The following CHRM3 variants were observed in gnomAD, a reference collection of about 807,000 sequenced individuals.
The protein encoded by CHRM3 is cholinergic receptor muscarinic 3, also known as muscarinic acetylcholine receptor M3.
In CHRM3, 11 loss-of-function variants were observed where a neutral mutation model predicts 41.8. The observed-to-expected ratio is 0.26, with a 90% CI of 0.17 to 0.44. The LOEUF (loss-of-function observed/expected upper bound fraction) is 0.44. Among genes scored for constraint, CHRM3 ranks in the 20% least tolerant of loss-of-function variants. CHRM3 has a pLI of 1.00. For synonymous variants in CHRM3, 297 were observed against 301.4 expected, an observed-to-expected ratio of 0.99 and a Z score of 0.15; for missense variants, 571 against 745.4, an observed-to-expected ratio of 0.77 and a Z score of 2.72.
intron 1 of CHRM3, among the ~76,000 whole-genome samples, chr1:239,432,775 C>T (rs1428226004): frequency 6.6e-6 from 1 of 152,126 alleles, no homozygotes; most frequent in Non-Finnish European, 1.5e-5. Context: ...CAAATCCAGT[C>T]AAATCCATTT....
intron 1 of CHRM3, among the ~76,000 whole-genome samples, chr1:239,404,390 AAGAAAGAAAGAAAGAAAGAAAAAGAAAG>A (rs1558195320): frequency 8.5e-4 from 70 of 82,758 alleles, no homozygotes; most frequent in Middle Eastern, 5.2e-3. Flanking sequence ...GAAAGAAAGA[AAGAAAGAAAGAAAGAAAGAAAAAGAAAG>A]AAAGAAAGAA....
intron 5 of CHRM3, among the ~76,000 whole-genome samples, chr1:239,742,886 T>C (rs979472458): frequency 2.6e-5 from 4 of 152,222 alleles, no homozygotes; most frequent in African/African-American, 4.8e-5. Context: ...ATTTCTGTTT[T>C]CCATTTTACT....
At chr1:239,898,665 A>C in intron 6 of CHRM3, among the ~76,000 whole-genome samples, 1 of 152,230 alleles carries the variant, frequency 6.6e-6, no homozygotes, top group African/African-American at 2.4e-5. Context: ...AGCAGGTTTA[A>C]AAATCGAGAG....
intron 6 of CHRM3, among the ~76,000 whole-genome samples, chr1:239,865,552 A>G (rs1020946786): frequency 6.6e-6 from 1 of 152,194 alleles, no homozygotes; most frequent in African/African-American, 2.4e-5. Flanking sequence ...TGTCAGAAGC[A>G]GAGAGGGACA....
rs144048240 is a variant in CHRM3 at position 239,635,786 on chromosome 1, A to C, written c.-250+3500A>C. On this transcript the variant is annotated intron_variant, in intron 4 of 6. Coordinates refer to ENST00000676153, the MANE Select transcript of CHRM3 (RefSeq NM_001375978.1). ...GCCTTGTCTGTTTCCTTCACTGCCA[A>C]AACCACCATACTTATAATGATGCCT... is the stretch of plus-strand genomic sequence containing the variant. Among the ~76,000 whole-genome samples, 882 of 152,294 alleles carry C rather than the reference A, an allele frequency of 5.8e-3. 12 individuals carry two copies. Among genetic ancestry groups the C allele is most frequent in the African/African-American group, 0.02 (831 of 41,564 alleles).
At chr1:239,599,994 A>G (rs1000350169) in intron 3 of CHRM3, among the ~76,000 whole-genome samples, 21 of 152,156 alleles carry the variant, frequency 1.4e-4, no homozygotes, top group Admixed American at 2.0e-4. Context: ...ATGCACATGT[A>G]AGAACTGATT....
At chr1:239,611,627 G>A (rs1299740588) in intron 3 of CHRM3, among the ~76,000 whole-genome samples, 2 of 152,004 alleles carry the variant, frequency 1.3e-5, no homozygotes, top group Non-Finnish European at 2.9e-5. Context: ...CACCATGTTG[G>A]CCAGGATGGT....
At chr1:239,442,925 A>G (rs1244762526) in intron 1 of CHRM3, among the ~76,000 whole-genome samples, 4 of 152,212 alleles carry the variant, frequency 2.6e-5, no homozygotes. Flanking sequence ...GGTAGAAGGA[A>G]CAATGACTGT....
chr1:239,606,848 A>T (rs1350914469), intron 3 of CHRM3, among the ~76,000 whole-genome samples: 1 of 152,098 alleles, frequency 6.6e-6, no homozygotes, highest in Non-Finnish European at 1.5e-5. Flanking sequence ...TCTTCTGTGC[A>T]CCCAAAATTC....
intron 5 of CHRM3, among the ~76,000 whole-genome samples, chr1:239,715,925 C>T (rs79451787): frequency 0.05 from 7,646 of 152,116 alleles, 218 homozygotes; most frequent in East Asian, 0.074. Flanking sequence ...GAAATTTGGA[C>T]AGTGTTGAAG....
chr1:239,404,448 AAGAAAG>A (rs1660385900), intron 1 of CHRM3, among the ~76,000 whole-genome samples: 1 of 140,056 alleles, frequency 7.1e-6, no homozygotes, highest in South Asian at 2.3e-4. Flanking sequence ...GAAAGAAAGA[AAGAAAG>A]AAAGAAAGAA....
intron 1 of CHRM3, among the ~76,000 whole-genome samples, chr1:239,408,440 C>T (rs1383910778): frequency 6.8e-6 from 1 of 146,710 alleles, no homozygotes; most frequent in Admixed American, 7.1e-5. Context: ...AGGAGAATAG[C>T]GTGAACCCGG....
intron 2 of CHRM3, among the ~76,000 whole-genome samples, chr1:239,533,999 GCTT>G (rs1464718641): frequency 6.6e-6 from 1 of 152,070 alleles, no homozygotes; most frequent in Non-Finnish European, 1.5e-5. Flanking sequence ...GAGGCTCTCT[GCTT>G]CTTTTCTTCA....
intron 1 of CHRM3, among the ~76,000 whole-genome samples, chr1:239,458,642 A>G (rs773168012): frequency 7.2e-5 from 11 of 152,238 alleles, no homozygotes; most frequent in Non-Finnish European, 1.3e-4. Context: ...ATCAGTGTAC[A>G]AGCTTTATAA....
chr1:239,448,591 A>G (rs957649803), intron 1 of CHRM3, among the ~76,000 whole-genome samples: 3 of 152,168 alleles, frequency 2.0e-5, no homozygotes, highest in Non-Finnish European at 4.4e-5. Context: ...ATTTTATCTC[A>G]TATGAGAAAA....
Position 239,793,803 on chromosome 1 carries a change from A to ATTTTTTTTTTTTTTTTTTTTTTT in CHRM3, c.-146-33446_-146-33424dup, listed in dbSNP as rs67460907. ...TGAACTTGTCAGAAATGAAATGTGT[A>ATTTTTTTTTTTTTTTTTTTTTTT]TTTTTTTTTTTTTTTTTTTTTTTTT... On this transcript the variant is annotated intron_variant, in intron 5 of 6. Coordinates refer to ENST00000676153, the MANE Select transcript of CHRM3 (RefSeq NM_001375978.1). Among the ~76,000 whole-genome samples, 14 of 69,494 alleles carry ATTTTTTTTTTTTTTTTTTTTTTT rather than the reference A, an allele frequency of 2.0e-4. 4 individuals are homozygous for ATTTTTTTTTTTTTTTTTTTTTTT. The highest frequency in any genetic ancestry group is 7.4e-4 in the African/African-American group (12 of 16,148). 45.6% of individuals were successfully genotyped at this position (69,494 alleles called of 152,430 possible).
chr1:239,865,333 G>A (rs968855115), intron 6 of CHRM3, among the ~76,000 whole-genome samples: 1 of 152,224 alleles, frequency 6.6e-6, no homozygotes, highest in African/African-American at 2.4e-5. Context: ...GACATTGGTT[G>A]TCTGTGGGGC....
At chr1:239,484,386 C>A (rs1667054864) in intron 1 of CHRM3, among the ~76,000 whole-genome samples, 1 of 152,146 alleles carries the variant, frequency 6.6e-6, no homozygotes, top group Non-Finnish European at 1.5e-5. Context: ...CGGTGATAAG[C>A]CATTCATGAG....
intron 5 of CHRM3, among the ~76,000 whole-genome samples, chr1:239,732,212 T>C (rs1375996601): frequency 6.6e-6 from 1 of 151,824 alleles, no homozygotes; most frequent in East Asian, 1.9e-4. Flanking sequence ...TAAGTATGCC[T>C]AACATCTCAC....
Sources: allele counts gnomAD v4.1 joint callset (sites outside exome capture counted in the v4.1 genomes callset), GRCh38; gene constraint gnomAD v4.1.1; transcripts MANE v1.5; gene names NCBI Gene and HGNC (gene_info 2026-07-23, HGNC 2026-07-21).